Variants in PRPF6 observed in about 807,000 individuals in gnomAD.
The protein encoded by PRPF6 is pre-mRNA-processing factor 6.
In PRPF6, 42 loss-of-function variants were observed where a neutral mutation model predicts 118.3. That is an observed-to-expected ratio of 0.35 (90% confidence interval 0.28 to 0.46). The LOEUF is 0.46. Among genes scored for constraint, PRPF6 ranks in the 20% least tolerant of loss-of-function variants. The pLI is 1.00. For missense variants in PRPF6, 662 were observed against 1,255.7 expected (o/e 0.53, Z 7.15); for synonymous variants, 481 against 485.1 (o/e 0.99, Z 0.11).
At chr20:63,996,278 G>A (rs887206358) in intron 6 of PRPF6, among the ~76,000 whole-genome samples, 2 of 152,170 alleles carry the variant, frequency 1.3e-5, no homozygotes, top group Admixed American at 1.3e-4. Context: ...GTTGGAGGTT[G>A]CAGTGAGCCG....
At chr20:64,005,285 G>A (rs1011512721) in intron 9 of PRPF6, among the ~76,000 whole-genome samples, 10 of 152,282 alleles carry the variant, frequency 6.6e-5, no homozygotes, top group African/African-American at 7.2e-5. Context: ...CCTGGGAGTC[G>A]TAAGTTAATG....
At chr20:64,022,610 G>C in intron 12 of PRPF6, 147 bp from the exon 13 acceptor site, 1 of 1,285,122 alleles carries the variant, frequency 7.8e-7, no homozygotes, top group Non-Finnish European at 1.1e-6. Context: ...ACCTGGCCTG[G>C]ATTGTGGTTC....
chr20:63,997,976 G>T (rs1314205841), intron 6 of PRPF6, among the ~76,000 whole-genome samples: 2 of 152,180 alleles, frequency 1.3e-5, no homozygotes, highest in Admixed American at 1.3e-4. Context: ...CTGTTTATTC[G>T]CTGACGGACA....
At chr20:64,009,500 A>C (rs1462557564) in intron 9 of PRPF6, among the ~76,000 whole-genome samples, 1 of 152,130 alleles carries the variant, frequency 6.6e-6, no homozygotes, top group East Asian at 1.9e-4. Context: ...AAGCGGGCGG[A>C]TCACTTGAGA....
chr20:64,031,985 T>C lies in PRPF6; in HGVS notation c.2614T>C (p.Ser872Pro). The change falls in exon 20 of 21, where the codon TCG becomes CCG. Residue 872 changes from serine (S) to proline (P), a missense_variant. By Grantham distance (74) the Ser-to-Pro change is moderately conservative. Coordinates refer to ENST00000266079, the MANE Select transcript of PRPF6 (RefSeq NM_012469.4). ...GTTCCACCGCACTGTGAAGATTGAC[T>C]CGGACCTGGGGGATGCCTGGGCCTT... The part of the protein sequence containing the change: ...EWFHRTVKID[S>P]DLGDAWAFFY... 6.2e-7 allele frequency: 1 copy of C among 1,614,154 alleles called. No individual in the cohort carries two copies. Among genetic ancestry groups the C allele is most frequent in the Non-Finnish European group, 8.5e-7 (1 of 1,180,022 alleles).
intron 9 of PRPF6, among the ~76,000 whole-genome samples, chr20:64,008,448 T>C (rs1427938001): frequency 6.6e-6 from 1 of 151,972 alleles, no homozygotes; most frequent in Non-Finnish European, 1.5e-5. Context: ...ATCAAGGAAA[T>C]ATTCGTGGCA....
At chr20:64,009,583 C>T (rs989849716) in intron 9 of PRPF6, among the ~76,000 whole-genome samples, 1 of 151,994 alleles carries the variant, frequency 6.6e-6, no homozygotes, top group South Asian at 2.1e-4. Context: ...ATTAGCCAGG[C>T]GTGGTGGTGC....
intron 3 of PRPF6, among the ~76,000 whole-genome samples, chr20:63,988,868 CAAA>C (rs906923186): frequency 3.1e-5 from 3 of 97,208 alleles, no homozygotes; most frequent in Non-Finnish European, 2.2e-5. Context: ...GACTCCGTCT[CAAA>C]AAAAAAAAAA....
chr20:63,985,739 G>A (rs1328729988), intron 3 of PRPF6, among the ~76,000 whole-genome samples: 1 of 152,188 alleles, frequency 6.6e-6, no homozygotes, highest in African/African-American at 2.4e-5. Flanking sequence ...ACCAATAAAA[G>A]GTAATGAGAT....
intron 19 of PRPF6, among the ~76,000 whole-genome samples, chr20:64,031,690 AAC>A (rs1318681084): frequency 9.6e-5 from 14 of 146,500 alleles, no homozygotes; most frequent in African/African-American, 3.7e-4. Context: ...AAAAAAAAAA[AAC>A]AACAAAAAAA....
intron 3 of PRPF6, among the ~76,000 whole-genome samples, chr20:63,989,220 A>T (rs1207976288): frequency 1.3e-5 from 2 of 152,186 alleles, no homozygotes; most frequent in African/African-American, 2.4e-5. Flanking sequence ...CCTCTCTGTC[A>T]CCACATACAA....
At chr20:64,010,632 A>C (rs749445654) in intron 10 of PRPF6, among the ~76,000 whole-genome samples, 6 of 152,180 alleles carry the variant, frequency 3.9e-5, no homozygotes, top group Non-Finnish European at 7.3e-5. Context: ...AGAGTTTGTC[A>C]TGGGAGCCGA....
chr20:64,000,097 G>T (rs138917177), intron 8 of PRPF6, among the ~76,000 whole-genome samples: 178 of 152,028 alleles, frequency 1.2e-3, no homozygotes, highest in African/African-American at 4.0e-3. Context: ...CACTATAGGC[G>T]CCCGCCACCA....
intron 14 of PRPF6, among the ~76,000 whole-genome samples, chr20:64,025,117 T>A (rs1240069146): frequency 1.3e-5 from 2 of 152,182 alleles, no homozygotes; most frequent in Non-Finnish European, 2.9e-5. Context: ...ACATACTTTT[T>A]AATAAGCTAT....
chr20:64,000,563 G>A (rs1341143220), intron 8 of PRPF6, among the ~76,000 whole-genome samples: 1 of 151,210 alleles, frequency 6.6e-6, no homozygotes, highest in East Asian at 1.9e-4. Context: ...TCACAAAGTG[G>A]TGTTTCATTT....
At chr20:63,988,696 C>T (rs2059105573) in intron 3 of PRPF6, among the ~76,000 whole-genome samples, 1 of 151,404 alleles carries the variant, frequency 6.6e-6, no homozygotes, top group African/African-American at 2.4e-5. Context: ...TGGCTAAACC[C>T]CATCTCTACT....
At chr20:63,989,570 GC>G (rs1298683738) in intron 3 of PRPF6, among the ~76,000 whole-genome samples, 3 of 142,230 alleles carry the variant, frequency 2.1e-5, no homozygotes, top group Non-Finnish European at 4.6e-5. Context: ...TCTTTCTGTT[GC>G]TTTTTTTTAT....
intron 8 of PRPF6, among the ~76,000 whole-genome samples, chr20:64,000,456 C>CAAA (rs11476285): frequency 1.8e-5 from 2 of 111,408 alleles, no homozygotes; most frequent in Admixed American, 8.9e-5. Flanking sequence ...GATTCCGTCT[C>CAAA]AAAAAAAAAA....
chr20:64,025,679 AT>A (rs2059286387), intron 14 of PRPF6, among the ~76,000 whole-genome samples: 1 of 152,182 alleles, frequency 6.6e-6, no homozygotes, highest in South Asian at 2.1e-4. Flanking sequence ...TGCCCCCGTT[AT>A]TGCTCGAGTG....
Sources: allele counts gnomAD v4.1 joint callset (sites outside exome capture counted in the v4.1 genomes callset), GRCh38; gene constraint gnomAD v4.1.1; transcripts MANE v1.5; gene names NCBI Gene and HGNC (gene_info 2026-07-23, HGNC 2026-07-21).